COL21A1: variants seen among roughly 807,000 people sequenced by gnomAD.
COL21A1 encodes the protein collagen alpha-1(XXI) chain.
In COL21A1, 149 loss-of-function variants were observed where a neutral mutation model predicts 137.9. That is an observed-to-expected ratio of 1.08 (90% CI 0.95 to 1.24). The LOEUF (loss-of-function observed/expected upper bound fraction) is 1.24, where lower values mean the gene tolerates loss of function less well. Ranked by LOEUF, COL21A1 falls within the 50% of genes most tolerant of loss-of-function variation. The probability of loss-of-function intolerance (pLI) is 0.00; values close to 1 mark genes in which losing one functional copy is unlikely to be tolerated. For synonymous variants in COL21A1, 456 were observed against 391.5 expected, an observed-to-expected ratio of 1.16 and a Z score of -1.95; for missense variants, 1,167 against 1,158.4, an observed-to-expected ratio of 1.01 and a Z score of -0.11.
chr6:56,071,477 G>A (rs1181085989), intron 20 of COL21A1, among the ~76,000 whole-genome samples: 1 of 151,556 alleles, frequency 6.6e-6, no homozygotes, highest in Non-Finnish European at 1.5e-5. Flanking sequence ...ACAACCCAAT[G>A]TCTGGCAAAA....
rs140091341 is a variant in COL21A1 at position 56,360,826 on chromosome 6, G to A, written c.-39+33145C>T. 4.8e-3 allele frequency among the ~76,000 whole-genome samples: 732 copies of A among 152,250 alleles called. 9 individuals are homozygous for A. Among genetic ancestry groups the A allele is most frequent in the Middle Eastern group, 0.01 (3 of 294 alleles). The stretch of plus-strand genomic sequence containing the variant: ...TAAATATTAACCAAATAGGCTGGGC[G>A]CAGTGGCTCATGCCTGTAATCACAG... On this transcript the variant is annotated intron_variant, in intron 1 of 28. Transcript: ENST00000370819.
intron 10 of COL21A1, among the ~76,000 whole-genome samples, chr6:56,143,965 T>C (rs1244707407): frequency 6.6e-6 from 1 of 152,234 alleles, no homozygotes; most frequent in Non-Finnish European, 1.5e-5. Context: ...TGGAAACGTT[T>C]AGTAATCTCA....
intron 29 of COL21A1, among the ~76,000 whole-genome samples, chr6:56,058,773 C>A (rs549662712): frequency 1.8e-4 from 28 of 152,206 alleles, no homozygotes; most frequent in African/African-American, 6.5e-4. Context: ...CACCATTTTA[C>A]CAATGAGGAA....
intron 1 of COL21A1, among the ~76,000 whole-genome samples, chr6:56,286,167 C>A (rs1763908437): frequency 6.6e-6 from 1 of 152,112 alleles, no homozygotes; most frequent in Non-Finnish European, 1.5e-5. Flanking sequence ...TTAAACAGGG[C>A]AAATTCAAAA....
chr6:56,117,461 G>A (rs1233653840), intron 16 of COL21A1, among the ~76,000 whole-genome samples: 1 of 151,980 alleles, frequency 6.6e-6, no homozygotes, highest in Non-Finnish European at 1.5e-5. Flanking sequence ...GCTAAAGAGA[G>A]TGATAGACCC....
chr6:56,278,241 T>C (rs146027148), intron 1 of COL21A1, among the ~76,000 whole-genome samples: 16 of 152,340 alleles, frequency 1.1e-4, no homozygotes, highest in African/African-American at 2.6e-4. Flanking sequence ...TTTATGTGAA[T>C]AGGCTAAAAT....
At chr6:56,324,464 A>T (rs900902267) in intron 1 of COL21A1, among the ~76,000 whole-genome samples, 11 of 152,076 alleles carry the variant, frequency 7.2e-5, no homozygotes, top group Non-Finnish European at 4.4e-5. Flanking sequence ...AATCGTCAGC[A>T]GGAATGACAG....
chr6:56,216,314 T>C (rs113261591), intron 1 of COL21A1, among the ~76,000 whole-genome samples: 179 of 152,206 alleles, frequency 1.2e-3, no homozygotes, highest in Non-Finnish European at 1.4e-3. Flanking sequence ...ATTATTATTT[T>C]TGGATAATTT....
chr6:56,326,091 T>C (rs1235641322), intron 1 of COL21A1, among the ~76,000 whole-genome samples: 3 of 130,154 alleles, frequency 2.3e-5, no homozygotes, highest in African/African-American at 8.6e-5. Flanking sequence ...TTATGATAAC[T>C]GATTAAGAAT....
chr6:56,235,749 T>C (rs538167608), intron 1 of COL21A1, among the ~76,000 whole-genome samples: 1 of 151,968 alleles, frequency 6.6e-6, no homozygotes, highest in East Asian at 1.9e-4. Flanking sequence ...ATGAGGGAGA[T>C]GATGGCTTGC....
At chr6:56,306,114 G>T (rs1764444616) in intron 1 of COL21A1, among the ~76,000 whole-genome samples, 1 of 93,232 alleles carries the variant, frequency 1.1e-5, no homozygotes, top group African/African-American at 3.1e-5. Context: ...TTAGTCTGAT[G>T]GGCTTCCTTT....
At chr6:56,264,833 T>C (rs1763359174) in intron 1 of COL21A1, among the ~76,000 whole-genome samples, 1 of 152,200 alleles carries the variant, frequency 6.6e-6, no homozygotes, top group African/African-American at 2.4e-5. Flanking sequence ...CTTCTATCCT[T>C]CACCATCACC....
chr6:56,298,743 A>G (rs1448145627), intron 1 of COL21A1, among the ~76,000 whole-genome samples: 1 of 152,132 alleles, frequency 6.6e-6, no homozygotes, highest in Admixed American at 6.6e-5. Context: ...CTATAAACAT[A>G]CTGCCAGCCC....
intron 1 of COL21A1, among the ~76,000 whole-genome samples, chr6:56,206,364 T>A (rs528595869): frequency 1.3e-5 from 2 of 150,128 alleles, no homozygotes; most frequent in African/African-American, 4.9e-5. Flanking sequence ...AAACAGACTT[T>A]AAATCAACAA....
intron 17 of COL21A1, among the ~76,000 whole-genome samples, chr6:56,082,697 CA>C (rs1311901822): frequency 5.3e-5 from 8 of 151,082 alleles, no homozygotes; most frequent in African/African-American, 1.9e-4. Context: ...GTAATCATAC[CA>C]AAATATTTTA....
At chr6:56,290,026 A>G (rs753573658) in intron 1 of COL21A1, among the ~76,000 whole-genome samples, 7 of 152,058 alleles carry the variant, frequency 4.6e-5, no homozygotes, top group Non-Finnish European at 7.4e-5. Flanking sequence ...GCCCTCTGCC[A>G]CTGGACTGTC....
intron 20 of COL21A1, among the ~76,000 whole-genome samples, chr6:56,071,292 C>T (rs1766731103): frequency 6.6e-6 from 1 of 151,550 alleles, no homozygotes; most frequent in African/African-American, 2.4e-5. Context: ...TTCAGGATTC[C>T]AGTGCAGTTC....
chr6:56,116,886 T>C (rs1771982581), intron 16 of COL21A1, among the ~76,000 whole-genome samples: 1 of 152,046 alleles, frequency 6.6e-6, no homozygotes, highest in African/African-American at 2.4e-5. Flanking sequence ...TAAGTTGTTA[T>C]CAGTTTAAAA....
chr6:56,289,476 G>A, intron 1 of COL21A1, among the ~76,000 whole-genome samples: 1 of 152,054 alleles, frequency 6.6e-6, no homozygotes, highest in East Asian at 1.9e-4. Flanking sequence ...GCACATTATG[G>A]GACTATTTTC....
Sources: allele counts gnomAD v4.1 joint callset (sites outside exome capture counted in the v4.1 genomes callset), GRCh38; gene constraint gnomAD v4.1.1; transcripts MANE v1.5; gene names NCBI Gene and HGNC (gene_info 2026-07-23, HGNC 2026-07-21).